MARCHF1: variants seen among roughly 807,000 people sequenced by gnomAD.
MARCHF1 encodes the protein membrane associated ring-CH-type finger 1.
MARCHF1 carries 40 observed loss-of-function variants against 54.2 expected under a neutral mutation model. The observed-to-expected ratio is 0.74, with a 90% CI of 0.57 to 0.96. MARCHF1 has a LOEUF of 0.96. Ranked by LOEUF, MARCHF1 falls within the 40% of genes least tolerant of loss-of-function variation. The pLI is 0.00. For synonymous variants in MARCHF1, 236 were observed against 236.3 expected (o/e 1.00, Z 0.01); for missense variants, 586 against 656.5 (o/e 0.89, Z 1.17).
At chr4:164,101,004 C>T (rs776412050) in intron 2 of MARCHF1, among the ~76,000 whole-genome samples, 23 of 152,214 alleles carry the variant, frequency 1.5e-4, no homozygotes, top group Non-Finnish European at 2.8e-4. Context: ...GGGTGACGGA[C>T]TGCACCTGGA....
chr4:164,146,294 A>C (rs367630248), intron 1 of MARCHF1, among the ~76,000 whole-genome samples: 23,868 of 143,790 alleles, frequency 0.17, 2,987 homozygotes, highest in African/African-American at 0.37. Context: ...GCTACCAATG[A>C]CTTTCTTCAC....
chr4:164,278,260 T>C (rs1733936708), intron 1 of MARCHF1, among the ~76,000 whole-genome samples: 1 of 152,122 alleles, frequency 6.6e-6, no homozygotes, highest in Admixed American at 6.5e-5. Context: ...CAATGAGCTG[T>C]GATCGCACCA....
chr4:163,613,383 G>T lies in MARCHF1; in HGVS notation c.173C>A (p.Pro58Gln), dbSNP rs1741412713. 1 of 1,613,160 alleles carries T rather than the reference G, an allele frequency of 6.2e-7. No homozygotes were observed. The highest frequency in any genetic ancestry group is 8.5e-7 in the Non-Finnish European group (1 of 1,179,532). The stretch of plus-strand genomic sequence containing the variant: ...GCTCCTGGGAGCTGTCCCTGTTGTT[G>T]GGCTGCTTGCCTGGAGAAACAAGTT... ...RSSNISKASS[P>Q]TTGTAPRSQS... The change falls in exon 6 of 10, where the codon CCA becomes CAA. Residue 58 changes from proline (P) to glutamine (Q), a missense_variant. By Grantham distance (76) the Pro-to-Gln change is moderately conservative. Coordinates refer to ENST00000514618, the MANE Select transcript of MARCHF1 (RefSeq NM_001394959.1).
chr4:164,197,337 G>A, intron 1 of MARCHF1: 2 of 1,612,446 alleles, frequency 1.2e-6, no homozygotes, highest in East Asian at 2.2e-5. Context: ...CTCCGTAGTC[G>A]TTCAGGTTGG....
intron 2 of MARCHF1, among the ~76,000 whole-genome samples, chr4:164,030,607 G>A (rs1286380032): frequency 6.6e-6 from 1 of 152,162 alleles, no homozygotes; most frequent in Non-Finnish European, 1.5e-5. Context: ...TTTGTGCTAT[G>A]TCTGCTGAAT....
At chr4:164,228,117 A>G (rs1732309488) in intron 1 of MARCHF1, among the ~76,000 whole-genome samples, 1 of 152,162 alleles carries the variant, frequency 6.6e-6, no homozygotes, top group Non-Finnish European at 1.5e-5. Context: ...ACTGATGACG[A>G]TGATGATACT....
chr4:163,860,007 A>G (rs1447902480), intron 3 of MARCHF1, among the ~76,000 whole-genome samples: 2 of 152,190 alleles, frequency 1.3e-5, no homozygotes, highest in African/African-American at 2.4e-5. Context: ...AAGCTATGAC[A>G]TGTAAAGAGT....
intron 1 of MARCHF1, among the ~76,000 whole-genome samples, chr4:164,311,220 T>G (rs940745361): frequency 6.6e-6 from 1 of 152,140 alleles, no homozygotes; most frequent in African/African-American, 2.4e-5. Context: ...GTTAGGATGA[T>G]TACTACTCAT....
intron 4 of MARCHF1, among the ~76,000 whole-genome samples, chr4:163,768,020 A>G (rs1747040812): frequency 6.6e-6 from 1 of 152,144 alleles, no homozygotes; most frequent in Admixed American, 6.5e-5. Flanking sequence ...GTTTATTTAG[A>G]AAGAGTGCAT....
chr4:163,700,877 TG>T lies in MARCHF1; in HGVS notation c.112-15del. The T allele has an allele frequency of 2.0e-6, 3 of 1,527,358 alleles. No homozygotes were observed. Among genetic ancestry groups the T allele is most frequent in the Non-Finnish European group, 2.6e-6 (3 of 1,138,178 alleles). The allele number at this position is 1,527,358 out of a possible 1,614,324, so 94.6% of individuals were successfully genotyped here. The stretch of plus-strand genomic sequence containing the variant: ...GGATTTTTCATTCTGAAAAATAAAA[TG>T]GGAAACATTAATTAAAAGAAGGTAT... On this transcript the variant is annotated splice_polypyrimidine_tract_variant and intron_variant, in intron 4 of 9. Coordinates refer to ENST00000514618, the MANE Select transcript of MARCHF1 (RefSeq NM_001394959.1).
chr4:163,535,795 C>A (rs940740012), intron 9 of MARCHF1, among the ~76,000 whole-genome samples: 7 of 148,162 alleles, frequency 4.7e-5, no homozygotes, highest in Non-Finnish European at 1.0e-4. Flanking sequence ...CTGTCTTCAT[C>A]TATGCAAGGA....
chr4:163,685,291 C>G (rs1744231402), intron 5 of MARCHF1, among the ~76,000 whole-genome samples: 1 of 151,938 alleles, frequency 6.6e-6, no homozygotes, highest in Non-Finnish European at 1.5e-5. Context: ...ATGCATAAAT[C>G]TTAAACATGT....
chr4:164,319,402 C>T (rs1283610677), intron 1 of MARCHF1, among the ~76,000 whole-genome samples: 2 of 152,108 alleles, frequency 1.3e-5, no homozygotes, highest in East Asian at 1.9e-4. Flanking sequence ...GTACACTGAC[C>T]TGGTACCCAT....
Position 163,585,746 on chromosome 4 carries a change from T to C in MARCHF1, c.1191+3A>G, listed in dbSNP as rs770889013. ...CCCAAACCAATTCCTATGGATACTG[T>C]ACCTTCCGGAGGGGTTTGAGCTTGG... On this transcript the variant is annotated splice_donor_region_variant and intron_variant, in intron 8 of 9. Transcript: ENST00000514618. 5 of 1,583,250 alleles carry C rather than the reference T, an allele frequency of 3.2e-6. No individual in the cohort carries two copies. The highest frequency in any genetic ancestry group is 2.7e-5 in the African/African-American group (2 of 74,072).
rs375979887 is a variant in MARCHF1, at chr4:163,611,453, G to A, written c.1010+818C>T. 8.0e-4 allele frequency among the ~76,000 whole-genome samples: 122 copies of A among 152,104 alleles called. 1 individual carries two copies. The highest frequency in any genetic ancestry group is 3.4e-3 in the Middle Eastern group (1 of 294). ...CAAAGCAAAACATAACAAGTATTGC[G>A]CAGTGAAAATCTTCATTTGCTCTCA... On this transcript the variant is annotated intron_variant, in intron 7 of 9. Transcript: ENST00000514618.
intron 2 of MARCHF1, among the ~76,000 whole-genome samples, chr4:163,989,451 C>T (rs779750862): frequency 1.3e-5 from 2 of 152,108 alleles, no homozygotes; most frequent in Non-Finnish European, 2.9e-5. Flanking sequence ...AAGCATAGAG[C>T]TCTATACTAC....
intron 2 of MARCHF1, among the ~76,000 whole-genome samples, chr4:164,016,744 T>C (rs1214658410): frequency 6.6e-6 from 1 of 152,070 alleles, no homozygotes; most frequent in Non-Finnish European, 1.5e-5. Context: ...TAATGCTCAG[T>C]AGCACAATAG....
chr4:164,340,864 C>T (rs899311249), intron 1 of MARCHF1, among the ~76,000 whole-genome samples: 1 of 146,840 alleles, frequency 6.8e-6, no homozygotes, highest in African/African-American at 2.6e-5. Context: ...GGCCCAAATT[C>T]ATTTTTCTAA....
intron 5 of MARCHF1, among the ~76,000 whole-genome samples, chr4:163,652,318 T>C (rs1349691419): frequency 1.3e-5 from 2 of 151,842 alleles, no homozygotes; most frequent in African/African-American, 4.8e-5. Flanking sequence ...ATTCAAACAC[T>C]TTGCAGTGGC....
Sources: gnomAD v4.1 joint callset for allele counts (sites outside exome capture counted in the v4.1 genomes callset) on GRCh38, gnomAD v4.1.1 for gene constraint, MANE v1.5 for transcripts, NCBI Gene and HGNC (gene_info 2026-07-23, HGNC 2026-07-21) for gene names.